The following SNX13 variants were observed in gnomAD, a reference collection of about 807,000 sequenced individuals.
SNX13 encodes the protein sorting nexin-13.
A neutral mutation model predicts 133.6 loss-of-function variants in SNX13; 45 were observed. That is an observed-to-expected ratio of 0.34 (90% CI 0.27 to 0.43). SNX13 has a LOEUF of 0.43. SNX13 is among the 20% of genes least tolerant of loss of function. SNX13 has a pLI of 1.00. For synonymous variants in SNX13, 414 were observed against 373.9 expected, an observed-to-expected ratio of 1.11 and a Z score of -1.24; for missense variants, 1,032 against 1,145.1, an observed-to-expected ratio of 0.90 and a Z score of 1.43.
Position 17,875,469 on chromosome 7 carries a change from T to A in SNX13, c.664+11A>T. The A allele has an allele frequency of 1.2e-6, 2 of 1,601,318 alleles. No individual in the cohort carries two copies. The highest frequency in any genetic ancestry group is 1.7e-6 in the Non-Finnish European group (2 of 1,176,400). ...GCTACTATTGTCAAAAAAGTTAAAT[T>A]AAAAGAAAACCTTCTTCATCTTTGG... On this transcript the variant is annotated intron_variant, in intron 7 of 25. Transcript: ENST00000428135.
rs1794501422 is a variant in SNX13 at position 17,874,654 on chromosome 7, G to A, written c.664+826C>T. On this transcript the variant is annotated intron_variant, in intron 7 of 25. Coordinates refer to ENST00000428135, the MANE Select transcript of SNX13 (RefSeq NM_015132.5). Reference sequence around the variant, plus strand: ...AGAAAACAATTTCAACAACTAGAAGGGCTTTTCTATAGTTGTTCCTATGCT... The same window carrying A: ...AGAAAACAATTTCAACAACTAGAAGAGCTTTTCTATAGTTGTTCCTATGCT... Among the ~76,000 whole-genome samples, 5 of 152,170 alleles carry A rather than the reference G, an allele frequency of 3.3e-5. No individual in the cohort carries two copies. In the South Asian group the frequency reaches 1.0e-3, roughly 32 times the overall value.
At chr7:17,826,308 T>C (rs1787907919) in intron 16 of SNX13, among the ~76,000 whole-genome samples, 1 of 151,964 alleles carries the variant, frequency 6.6e-6, no homozygotes, top group Non-Finnish European at 1.5e-5. Context: ...AAAAATTTAG[T>C]AATAAACTTA....
At chr7:17,805,261 GCGCGCATGCATGCA>G (rs763424536) in intron 20 of SNX13, among the ~76,000 whole-genome samples, 6 of 148,228 alleles carry the variant, frequency 4.0e-5, no homozygotes, top group Non-Finnish European at 9.0e-5. Context: ...GCGTGCGCGC[GCGCGCATGCATGCA>G]CATGTGTAAT....
intron 22 of SNX13, 105 bp from the exon 23 acceptor site, chr7:17,799,259 C>A: frequency 1.0e-6 from 1 of 963,960 alleles, no homozygotes; most frequent in Non-Finnish European, 1.5e-6. Flanking sequence ...AGTCAGAGAA[C>A]AAGTTACATT....
intron 22 of SNX13, among the ~76,000 whole-genome samples, chr7:17,800,157 A>G (rs118031522): frequency 2.4e-3 from 364 of 151,888 alleles, no homozygotes; most frequent in Non-Finnish European, 3.3e-3. Flanking sequence ...AAAATCTAAT[A>G]AATAGCTAAA....
rs748793481 is a variant in SNX13, at chr7:17,829,996, A to G, written c.1635+14T>C. The G allele has an allele frequency of 2.0e-4, 303 of 1,510,064 alleles. No individual in the cohort carries two copies. The highest frequency in any genetic ancestry group is 7.2e-4 in the Middle Eastern group (4 of 5,580). The allele number at this position is 1,510,064 out of a possible 1,614,324, so 93.5% of individuals were successfully genotyped here. ...TTCAAGTCACTTTAATAAAGTACCC[A>G]TAATAGTACTTACCAAATTTATGCT... On this transcript the variant is annotated intron_variant, in intron 16 of 25. Coordinates refer to ENST00000428135, the MANE Select transcript of SNX13 (RefSeq NM_015132.5).
chr7:17,841,564 ACACACACACACACACACACG>A (rs1193321237), intron 12 of SNX13, among the ~76,000 whole-genome samples: 1 of 151,096 alleles, frequency 6.6e-6, no homozygotes, highest in Non-Finnish European at 1.5e-5. Context: ...ACACACACAC[ACACACACACACACACACACG>A]CACACACACC....
chr7:17,935,198 A>C (rs1289173020), intron 1 of SNX13, among the ~76,000 whole-genome samples: 1 of 152,214 alleles, frequency 6.6e-6, no homozygotes, highest in African/African-American at 2.4e-5. Context: ...AAAGAGAAGG[A>C]AATTCTGTCA....
chr7:17,885,649 G>A (rs1795903991), intron 5 of SNX13, among the ~76,000 whole-genome samples: 1 of 152,166 alleles, frequency 6.6e-6, no homozygotes, highest in South Asian at 2.1e-4. Context: ...GCAATGTGGT[G>A]AAACCCCGTC....
rs1278759563 is a variant in SNX13, at chr7:17,897,703, T to C, written c.13-257A>G. On this transcript the variant is annotated intron_variant, in intron 1 of 25. Coordinates refer to ENST00000428135, the MANE Select transcript of SNX13 (RefSeq NM_015132.5). ...AAAAATCCTAGTGGCAATGCAAAGGTACAGGACAGAAATAGTTATACAAAC... is the reference window on the plus strand; with the variant it reads ...AAAAATCCTAGTGGCAATGCAAAGGCACAGGACAGAAATAGTTATACAAAC... The C allele has an allele frequency of 4.9e-5, 12 of 242,750 alleles. No homozygotes were observed. The East Asian group carries it at 9.8e-4, about 20-fold the overall frequency. The allele number at this position is 242,750 out of a possible 1,614,324, so 15.0% of individuals were successfully genotyped here.
chr7:17,910,186 C>T (rs749673873), intron 1 of SNX13, among the ~76,000 whole-genome samples: 17 of 152,082 alleles, frequency 1.1e-4, no homozygotes, highest in Non-Finnish European at 2.1e-4. Flanking sequence ...AATAAATAGA[C>T]TGATATTTAA....
chr7:17,928,891 G>T (rs1441230135), intron 1 of SNX13, among the ~76,000 whole-genome samples: 1 of 151,924 alleles, frequency 6.6e-6, no homozygotes, highest in Non-Finnish European at 1.5e-5. Context: ...TTCAGATAAG[G>T]GGTATATGAG....
chr7:17,821,901 T>C (rs373985147), intron 17 of SNX13, among the ~76,000 whole-genome samples: 4 of 152,164 alleles, frequency 2.6e-5, no homozygotes, highest in African/African-American at 7.2e-5. Flanking sequence ...TATGACACTA[T>C]CAATCACAAA....
At chr7:17,926,120 C>T (rs1371814992) in intron 1 of SNX13, among the ~76,000 whole-genome samples, 1 of 126,018 alleles carries the variant, frequency 7.9e-6, no homozygotes, top group Non-Finnish European at 1.8e-5. Context: ...AAAGTTGGGG[C>T]ACATCCATAG....
At chr7:17,847,889 T>C (rs957749911) in intron 11 of SNX13, among the ~76,000 whole-genome samples, 1 of 152,096 alleles carries the variant, frequency 6.6e-6, no homozygotes, top group Non-Finnish European at 1.5e-5. Flanking sequence ...TTCTTTCCCT[T>C]TTATAAACAC....
At chr7:17,936,786 A>C (rs548021698) in intron 1 of SNX13, among the ~76,000 whole-genome samples, 1 of 151,916 alleles carries the variant, frequency 6.6e-6, no homozygotes, top group South Asian at 2.1e-4. Context: ...CAAACATCCC[A>C]TGCTCTAATT....
At chr7:17,886,195 C>G (rs1040283568) in intron 5 of SNX13, among the ~76,000 whole-genome samples, 1 of 152,048 alleles carries the variant, frequency 6.6e-6, no homozygotes, top group South Asian at 2.1e-4. Flanking sequence ...TCACAGCCAG[C>G]GAATCCTGAA....
chr7:17,914,206 A>G (rs1799304455), intron 1 of SNX13, among the ~76,000 whole-genome samples: 1 of 46,570 alleles, frequency 2.1e-5, no homozygotes, highest in Non-Finnish European at 4.1e-5. Flanking sequence ...GAAATGGGAG[A>G]AAAAAAAAAA....
At chr7:17,850,658 T>C (rs1340716656) in intron 10 of SNX13, among the ~76,000 whole-genome samples, 168 bp downstream of exon 10, 1 of 152,222 alleles carries the variant, frequency 6.6e-6, no homozygotes, top group Non-Finnish European at 1.5e-5. Context: ...TCTCACATTC[T>C]GAAAATAATG....
Sources: gnomAD v4.1 joint callset for allele counts (sites outside exome capture counted in the v4.1 genomes callset) on GRCh38, gnomAD v4.1.1 for gene constraint, MANE v1.5 for transcripts, NCBI Gene and HGNC (gene_info 2026-07-23, HGNC 2026-07-21) for gene names.